Variants in DLG2 observed in about 807,000 individuals in gnomAD.
DLG2 encodes the protein disks large homolog 2.
A neutral mutation model predicts 132.5 loss-of-function variants in DLG2; 45 were observed. The observed-to-expected ratio is 0.34, with a 90% CI of 0.27 to 0.44. The LOEUF (loss-of-function observed/expected upper bound fraction) is 0.44, where lower values mean the gene tolerates loss of function less well. DLG2 is among the 20% of genes least tolerant of loss of function. The pLI, the probability that DLG2 is intolerant of heterozygous loss-of-function variation, is 1.00. For synonymous variants in DLG2, 424 were observed against 419.6 expected, an observed-to-expected ratio of 1.01 and a Z score of -0.13; for missense variants, 1,045 against 1,196.9, an observed-to-expected ratio of 0.87 and a Z score of 1.87.
chr11:85,129,541 G>A (rs982031849), intron 5 of DLG2, among the ~76,000 whole-genome samples: 1 of 152,128 alleles, frequency 6.6e-6, no homozygotes, highest in Non-Finnish European at 1.5e-5. Flanking sequence ...TTTCTCTAAT[G>A]AAAAGCAATC....
At chr11:85,476,704 T>A (rs2153083872) in intron 3 of DLG2, among the ~76,000 whole-genome samples, 1 of 152,242 alleles carries the variant, frequency 6.6e-6, no homozygotes, top group Admixed American at 6.5e-5. Context: ...AATATCAGTA[T>A]CATAGTCTGC....
At chr11:84,529,097 C>T (rs936156458) in intron 7 of DLG2, among the ~76,000 whole-genome samples, 2 of 152,082 alleles carry the variant, frequency 1.3e-5, no homozygotes, top group South Asian at 2.1e-4. Context: ...CACATTTATT[C>T]CTATTACTAT....
chr11:85,141,045 C>T (rs2076436521), intron 5 of DLG2, among the ~76,000 whole-genome samples: 1 of 151,784 alleles, frequency 6.6e-6, no homozygotes, highest in Admixed American at 6.6e-5. Context: ...GTAGGTATCT[C>T]TTCAATATGC....
At position 84,982,222 on chromosome 11, in the gene DLG2, C is replaced by G. The variant is rs556682464; in HGVS notation, c.357+129439G>C. 5.5e-3 allele frequency among the ~76,000 whole-genome samples: 334 copies of G among 61,152 alleles called. 2 individuals are homozygous for G. Among genetic ancestry groups the G allele is most frequent in the African/African-American group, 0.02 (322 of 16,054 alleles). 40.1% of individuals were successfully genotyped at this position (61,152 alleles called of 152,430 possible). A position where few individuals can be genotyped will look rare whatever the true frequency, so the allele number is the denominator to read the frequency against. On this transcript the variant is annotated intron_variant, in intron 6 of 27. Coordinates refer to ENST00000376104, the MANE Select transcript of DLG2 (RefSeq NM_001142699.3). ...TTCTAATAGCTACCTCAAATTACTT[C>G]AAACATAGTCCCCTTCTCTGAGTAC...
At chr11:85,626,245 C>T (rs1316217094) in intron 2 of DLG2, among the ~76,000 whole-genome samples, 3 of 152,180 alleles carry the variant, frequency 2.0e-5, no homozygotes, top group Non-Finnish European at 4.4e-5. Flanking sequence ...TGAGGAAGAG[C>T]TCCACTGCAC....
chr11:85,526,474 T>C (rs1021189217), intron 3 of DLG2, among the ~76,000 whole-genome samples: 8 of 152,062 alleles, frequency 5.3e-5, no homozygotes, highest in Admixed American at 3.9e-4. Flanking sequence ...AAATAGGACA[T>C]TGAAATGCTG....
rs370724328 is a variant in DLG2, at chr11:84,661,780, T to C, written c.358-127049A>G. ...TGTCCCTCATTCACTTTCCAGAATA[T>C]AGAAATAACTTGGCAGGACTTAGCA... On this transcript the variant is annotated intron_variant, in intron 6 of 27. Transcript: ENST00000376104. Among the ~76,000 whole-genome samples, 21 of 152,196 alleles carry C rather than the reference T, an allele frequency of 1.4e-4. 1 individual carries two copies. In the East Asian group the frequency reaches 3.1e-3, roughly 22 times the overall value.
At chr11:85,274,589 A>G (rs2077767309) in intron 4 of DLG2, among the ~76,000 whole-genome samples, 1 of 152,092 alleles carries the variant, frequency 6.6e-6, no homozygotes, top group Admixed American at 6.6e-5. Flanking sequence ...GATATCTCCA[A>G]ATGAAGGGTT....
At chr11:85,536,551 CTA>C (rs1346776801) in intron 3 of DLG2, among the ~76,000 whole-genome samples, 3 of 152,362 alleles carry the variant, frequency 2.0e-5, no homozygotes, top group Non-Finnish European at 4.4e-5. Flanking sequence ...TGTTGCTGCG[CTA>C]TGAGGGCCCC....
At chr11:85,394,029 C>A (rs559317196) in intron 3 of DLG2, among the ~76,000 whole-genome samples, 1 of 152,100 alleles carries the variant, frequency 6.6e-6, no homozygotes, top group Non-Finnish European at 1.5e-5. Context: ...TGTAACCAAG[C>A]TCCACCTGTT....
intron 6 of DLG2, among the ~76,000 whole-genome samples, chr11:84,658,474 G>A (rs1180054721): frequency 6.6e-6 from 1 of 151,904 alleles, no homozygotes; most frequent in Non-Finnish European, 1.5e-5. Flanking sequence ...AACTGTAGAG[G>A]GCTCCTGATA....
chr11:84,889,635 TAA>T (rs2088974607), intron 6 of DLG2, among the ~76,000 whole-genome samples: 1 of 152,178 alleles, frequency 6.6e-6, no homozygotes, highest in African/African-American at 2.4e-5. Context: ...TGTGCTAATT[TAA>T]TTTTTTAAAT....
chr11:83,707,280 T>A (rs1249799489), intron 18 of DLG2, among the ~76,000 whole-genome samples: 1 of 152,168 alleles, frequency 6.6e-6, no homozygotes, highest in Non-Finnish European at 1.5e-5. Context: ...GAGTTCCTGT[T>A]TCTATATCTG....
chr11:85,445,429 G>A (rs1337713973), intron 3 of DLG2, among the ~76,000 whole-genome samples: 2 of 152,190 alleles, frequency 1.3e-5, no homozygotes, highest in South Asian at 2.1e-4. Flanking sequence ...TGTAATCCCA[G>A]CACTTTGGGT....
chr11:84,559,917 T>C (rs2099420883), intron 6 of DLG2, among the ~76,000 whole-genome samples: 1 of 152,102 alleles, frequency 6.6e-6, no homozygotes, highest in Non-Finnish European at 1.5e-5. Context: ...ATATGGCACA[T>C]GACATGTTAT....
intron 3 of DLG2, among the ~76,000 whole-genome samples, chr11:85,401,928 T>C (rs1051229733): frequency 2.0e-5 from 3 of 152,064 alleles, no homozygotes; most frequent in Non-Finnish European, 4.4e-5. Context: ...AGGTAATTTA[T>C]AGATTCAATG....
intron 8 of DLG2, among the ~76,000 whole-genome samples, chr11:84,250,559 C>T (rs946384460): frequency 6.6e-6 from 1 of 152,200 alleles, no homozygotes; most frequent in Non-Finnish European, 1.5e-5. Context: ...TCAGCTAGCG[C>T]CCACTCACAA....
intron 16 of DLG2, among the ~76,000 whole-genome samples, chr11:83,844,717 A>C (rs1516621): frequency 0.63 from 96,300 of 151,808 alleles, 30,841 homozygotes; most frequent in Middle Eastern, 0.77. Flanking sequence ...AGATCTCCAG[A>C]GCTGTGAGGT....
intron 3 of DLG2, among the ~76,000 whole-genome samples, chr11:85,494,819 A>T (rs1284780400): frequency 6.6e-6 from 1 of 152,032 alleles, no homozygotes; most frequent in East Asian, 1.9e-4. Flanking sequence ...GATATAATTA[A>T]ATAACATTAG....
Sources: gnomAD v4.1 joint callset for allele counts (sites outside exome capture counted in the v4.1 genomes callset) on GRCh38, gnomAD v4.1.1 for gene constraint, MANE v1.5 for transcripts, NCBI Gene and HGNC (gene_info 2026-07-23, HGNC 2026-07-21) for gene names.